ABCA8: variants seen among roughly 807,000 people sequenced by gnomAD.
ABCA8 encodes ATP binding cassette subfamily A member 8.
A neutral mutation model predicts 192.3 loss-of-function variants in ABCA8; 177 were observed. The observed-to-expected ratio is 0.92, with a 90% confidence interval of 0.81 to 1.04. The LOEUF is 1.04. ABCA8 is among the 50% of genes least tolerant of loss of function. The pLI, the probability that ABCA8 is intolerant of heterozygous loss-of-function variation, is 0.00. For synonymous variants in ABCA8, 642 were observed against 690.2 expected, an observed-to-expected ratio of 0.93 and a Z score of 1.09; for missense variants, 1,915 against 1,904.8, an observed-to-expected ratio of 1.01 and a Z score of -0.10.
Position 68,929,117 on chromosome 17 carries a change from GGT to G in ABCA8, c.1055_1056del (p.His352ProfsTer13). 2 of 1,604,896 alleles carry G rather than the reference GGT, an allele frequency of 1.2e-6. No individual in the cohort carries two copies. Among genetic ancestry groups the G allele is most frequent in the Non-Finnish European group, 1.7e-6 (2 of 1,175,006 alleles). On this transcript the variant is annotated frameshift_variant, in exon 9 of 40. Transcript: ENST00000586539. LOFTEE classifies it high-confidence loss of function. ...GCLGFTSLYRHLPASLEWILS... is the reference protein window; with the variant it reads ...GCLGFTSLYRXLPASLEWILS... Reference sequence around the variant, plus strand: ...AAAATCCACTCCAAGGATGCAGGAAGGTGTCTGTACAGTGATGTGAACCCCAG... The same window carrying G: ...AAAATCCACTCCAAGGATGCAGGAAGGTCTGTACAGTGATGTGAACCCCAG...
intron 1 of ABCA8, among the ~76,000 whole-genome samples, chr17:68,953,905 G>C (rs1264700269): frequency 6.6e-6 from 1 of 152,104 alleles, no homozygotes; most frequent in African/African-American, 2.4e-5. Flanking sequence ...GCCGCTCTCT[G>C]TAAGCAATTT....
At chr17:68,944,318 ATATATATATATATATAT>A (rs1567886091) in intron 2 of ABCA8, among the ~76,000 whole-genome samples, 1,095 of 55,060 alleles carry the variant, frequency 0.02, 111 homozygotes, top group African/African-American at 0.056. Flanking sequence ...ACTTAAAGTT[ATATATATATATATATAT>A]ATATATATAT....
At chr17:68,952,054 G>A (rs145631331) in intron 1 of ABCA8, among the ~76,000 whole-genome samples, 203 of 152,102 alleles carry the variant, frequency 1.3e-3, no homozygotes, top group African/African-American at 4.6e-3. Context: ...TGTAAAAGGT[G>A]GTTATATGTC....
intron 23 of ABCA8, among the ~76,000 whole-genome samples, chr17:68,892,942 C>T (rs180865909): frequency 3.0e-4 from 45 of 152,120 alleles, no homozygotes; most frequent in African/African-American, 9.9e-4. Flanking sequence ...CCCAGGAGTT[C>T]GAGGTTACAG....
chr17:68,948,703 C>G (rs147955838), intron 2 of ABCA8, among the ~76,000 whole-genome samples: 293 of 152,246 alleles, frequency 1.9e-3, no homozygotes, highest in Non-Finnish European at 2.4e-3. Flanking sequence ...CCTGTTCACG[C>G]TGATGATAGT....
At chr17:68,900,304 G>C (rs868441447) in intron 21 of ABCA8, among the ~76,000 whole-genome samples, 11 of 151,948 alleles carry the variant, frequency 7.2e-5, no homozygotes, top group Admixed American at 3.9e-4. Flanking sequence ...GATTAAAATG[G>C]AATATGTTTG....
intron 17 of ABCA8, among the ~76,000 whole-genome samples, chr17:68,913,269 A>G (rs1052994148): frequency 5.3e-5 from 8 of 152,166 alleles, no homozygotes; most frequent in African/African-American, 1.9e-4. Flanking sequence ...TGGAGAATTT[A>G]TAGCAATAAG....
intron 24 of ABCA8, among the ~76,000 whole-genome samples, chr17:68,889,459 A>G (rs2143367772): frequency 6.6e-6 from 1 of 152,336 alleles, no homozygotes; most frequent in Middle Eastern, 3.4e-3. Flanking sequence ...TGTCAGTTCA[A>G]TATTGAAGTT....
rs760834803 is a variant in ABCA8 at position 68,932,482 on chromosome 17, C to T, written c.603G>A (p.Leu201=). Residue 201 remains leucine, a synonymous_variant, in exon 7 of 40, where the codon CTG becomes CTA. Transcript: ENST00000586539. ...TCATATTTTTTCCAGTAACTGACAT[C>T]AGCTCCTCCATCACTGAGTGATTTG... ...ITTNHSVMEE[L]MSVTGKNMKM... is the part of the protein sequence containing the mutation. 4.3e-6 allele frequency: 7 copies of T among 1,613,778 alleles called. No individual in the cohort carries two copies. Among genetic ancestry groups the T allele is most frequent in the South Asian group, 2.2e-5 (2 of 91,072 alleles).
chr17:68,940,071 CA>C (rs2068181832), intron 4 of ABCA8, among the ~76,000 whole-genome samples: 1 of 152,064 alleles, frequency 6.6e-6, no homozygotes, highest in African/African-American at 2.4e-5. Flanking sequence ...GCCTTTGTAC[CA>C]GGCTGCATCT....
chr17:68,902,657 C>T, intron 21 of ABCA8, 56 bp downstream of exon 21: 1 of 1,381,100 alleles, frequency 7.2e-7, no homozygotes, highest in Non-Finnish European at 9.8e-7. Context: ...GTTATGTTTT[C>T]TAAGTACTGC....
At chr17:68,931,121 C>T (rs1254431585) in intron 7 of ABCA8, among the ~76,000 whole-genome samples, 6 of 152,160 alleles carry the variant, frequency 3.9e-5, no homozygotes, top group African/African-American at 1.4e-4. Flanking sequence ...CCCTTTCAAT[C>T]CCCTCCTAGC....
At chr17:68,935,262 T>TTGTGTGTG (rs71144641) in intron 5 of ABCA8, among the ~76,000 whole-genome samples, 3,511 of 136,022 alleles carry the variant, frequency 0.026, 129 homozygotes, top group East Asian at 0.18. Flanking sequence ...GCCTGGCTAA[T>TTGTGTGTG]TGTGTGTGTG....
intron 17 of ABCA8, among the ~76,000 whole-genome samples, chr17:68,916,012 T>C (rs2067350256): frequency 6.6e-6 from 1 of 152,068 alleles, no homozygotes; most frequent in Admixed American, 6.6e-5. Flanking sequence ...TTAAGTGAAA[T>C]AAGCTAGGCA....
At chr17:68,926,073 GT>G (rs1440220230) in intron 10 of ABCA8, among the ~76,000 whole-genome samples, 1 of 152,110 alleles carries the variant, frequency 6.6e-6, no homozygotes, top group Non-Finnish European at 1.5e-5. Context: ...CCATGAAAAT[GT>G]AACAATATGT....
At chr17:68,869,124 A>G (rs1362072634) in intron 38 of ABCA8, among the ~76,000 whole-genome samples, 1 of 152,174 alleles carries the variant, frequency 6.6e-6, no homozygotes, top group African/African-American at 2.4e-5. Context: ...AAGCAAAGAT[A>G]TATCACTGAG....
At chr17:68,877,730 A>G (rs747845171) in intron 32 of ABCA8, 51 bp from the exon 33 acceptor site, 1 of 1,535,030 alleles carries the variant, frequency 6.5e-7, no homozygotes, top group South Asian at 1.3e-5. Context: ...TGCTTCTTTG[A>G]GTATTTCCAT....
intron 35 of ABCA8, 146 bp downstream of exon 35, chr17:68,876,314 T>G (rs2066203129): frequency 8.3e-6 from 7 of 844,548 alleles, no homozygotes; most frequent in African/African-American, 1.7e-5. Flanking sequence ...CTTTTTTTTT[T>G]GCAAAGTATT....
At chr17:68,897,621 CA>C (rs1328431660) in intron 21 of ABCA8, among the ~76,000 whole-genome samples, 1 of 152,084 alleles carries the variant, frequency 6.6e-6, no homozygotes, top group African/African-American at 2.4e-5. Flanking sequence ...GGTATGATGA[CA>C]ATGTCTCACC....
Sources: allele counts gnomAD v4.1 joint callset (sites outside exome capture counted in the v4.1 genomes callset), GRCh38; gene constraint gnomAD v4.1.1; transcripts MANE v1.5; gene names NCBI Gene and HGNC (gene_info 2026-07-23, HGNC 2026-07-21).